Variants in TDRD15 observed in about 807,000 individuals in gnomAD.
TDRD15 encodes the protein tudor domain-containing protein 15.
For synonymous variants in TDRD15, 503 were observed against 314.5 expected, an observed-to-expected ratio of 1.60 and a Z score of -6.34; for missense variants, 1,416 against 904.7, an observed-to-expected ratio of 1.57 and a Z score of -7.25.
Position 21,139,914 on chromosome 2 carries a change from G to A in TDRD15, c.2447G>A (p.Cys816Tyr), listed in dbSNP as rs1170923766. The A allele has an allele frequency of 1.7e-5, 12 of 715,956 alleles. No individual in the cohort carries two copies. Among genetic ancestry groups the A allele is most frequent in the Middle Eastern group, 2.3e-4 (1 of 4,386 alleles). The allele number at this position is 715,956 out of a possible 1,614,324, so 44.4% of individuals were successfully genotyped here. ...GTTGCTAAGTATTCTGGGAAGTGGT[G>A]TAGAGCTGCTGTTTTGACTCAAGTA... Reference protein sequence around the residue: ...ACVAKYSGKWCRAAVLTQVSK... With the variant: ...ACVAKYSGKWYRAAVLTQVSK... Residue 816 changes from cysteine (C) to tyrosine (Y), a missense_variant, in exon 4 of 4, where the codon TGT becomes TAT. Coordinates refer to ENST00000405799, the MANE Select transcript of TDRD15 (RefSeq NM_001306137.2).
chr2:21,138,905 A>T lies in TDRD15; in HGVS notation c.1438A>T (p.Ile480Leu), dbSNP rs1432050328. ...GFPIKTVQME[I>L]EAAYIAFIAY... Reference sequence around the variant, plus strand: ...TCCCATTAAAACAGTACAAATGGAGATAGAGGCTGCCTACATAGCTTTTAT... The same window carrying T: ...TCCCATTAAAACAGTACAAATGGAGTTAGAGGCTGCCTACATAGCTTTTAT... The change falls in exon 4 of 4, where the codon ATA (isoleucine) becomes TTA (leucine). Residue 480 changes from isoleucine to leucine, a missense_variant. Physicochemically the swap from Ile to Leu is conservative, Grantham distance 5 (BLOSUM62 2). Transcript: ENST00000405799. The T allele has an allele frequency of 4.2e-6, 3 of 715,616 alleles. No individual in the cohort carries two copies. The African/African-American group carries it at 5.3e-5, about 13-fold the overall frequency. 44.3% of individuals were successfully genotyped at this position (715,616 alleles called of 1,614,324 possible). A position where few individuals can be genotyped will look rare whatever the true frequency, so the allele number is the denominator to read the frequency against.
intron 1 of TDRD15, among the ~76,000 whole-genome samples, chr2:21,126,538 G>A (rs548571593): frequency 6.6e-6 from 1 of 152,034 alleles, no homozygotes; most frequent in Non-Finnish European, 1.5e-5. Context: ...GGCTAATTTT[G>A]TATTTTTAGT....
chr2:21,132,847 GT>G (rs1665744644), intron 2 of TDRD15, among the ~76,000 whole-genome samples: 1 of 152,002 alleles, frequency 6.6e-6, no homozygotes, highest in African/African-American at 2.4e-5. Flanking sequence ...CTAAAGCAGA[GT>G]TTCTCAGATT....
At position 21,139,455 on chromosome 2, in the gene TDRD15, A is replaced by G; in HGVS notation, c.1988A>G (p.Glu663Gly). The change falls in exon 4 of 4, where the codon GAA (glutamate) becomes GGA (glycine). Residue 663 changes from glutamate (E) to glycine (G), a missense_variant. Transcript: ENST00000405799. ...CTTATGTTACAAGCTGGATATGCAG[A>G]ATATTTTCAAGTAGAACTAGAATAT... is the stretch of plus-strand genomic sequence containing the variant. ...ISLMLQAGYA[E>G]YFQVELEYFP... The G allele has an allele frequency of 1.4e-6, 1 of 708,194 alleles. No individual in the cohort carries two copies. Among genetic ancestry groups the G allele is most frequent in the South Asian group, 1.5e-5 (1 of 65,046 alleles). The allele number at this position is 708,194 out of a possible 1,614,324, so 43.9% of individuals were successfully genotyped here.
rs952552661 is a variant in TDRD15, at chr2:21,142,962, A to G, written c.5495A>G (p.Lys1832Arg). ...CGTTATTCAGAAATTATAAATCTTA[A>G]AGTTGTTCCTGAGGAACTTTTGAAT... ...YIRYSEIINL[K>R]VVPEELLNLP... Residue 1832 changes from lysine (K) to arginine (R), a missense_variant, in exon 4 of 4, where the codon AAA (lysine) becomes AGA (arginine). Transcript: ENST00000405799. The G allele has an allele frequency of 4.3e-6, 3 of 704,684 alleles. No homozygotes were observed. The African/African-American group carries it at 5.3e-5, about 13-fold the overall frequency. 43.7% of individuals were successfully genotyped at this position (704,684 alleles called of 1,614,324 possible).
intron 1 of TDRD15, among the ~76,000 whole-genome samples, chr2:21,124,772 A>G (rs1665549277): frequency 8.5e-6 from 1 of 117,052 alleles, no homozygotes; most frequent in African/African-American, 3.4e-5. Flanking sequence ...GGGTGATCCT[A>G]ATGCCAGGGT....
intron 2 of TDRD15, among the ~76,000 whole-genome samples, chr2:21,129,881 C>T (rs2103437022): frequency 6.6e-6 from 1 of 152,186 alleles, no homozygotes; most frequent in East Asian, 1.9e-4. Context: ...CTGAGAAGTC[C>T]AGGGTCAAGG....
At position 21,140,893 on chromosome 2, in the gene TDRD15, T is replaced by C. The variant is rs1433684141; in HGVS notation, c.3426T>C (p.Tyr1142=). Residue 1142 remains tyrosine (Y), a synonymous_variant, in exon 4 of 4, where the codon TAT becomes TAC. Transcript: ENST00000405799. ...AAATTAAAGTGTTGCTTCATGCTTATGGAAAAAGACATTGTGACCAAGCAT... is the reference window on the plus strand; with the variant it reads ...AAATTAAAGTGTTGCTTCATGCTTACGGAAAAAGACATTGTGACCAAGCAT... ...NEKIKVLLHA[Y]GKRHCDQACC... is the part of the protein sequence containing the mutation. 2 of 709,052 alleles carry C rather than the reference T, an allele frequency of 2.8e-6. No homozygotes were observed. The highest frequency in any genetic ancestry group is 2.7e-5 in the East Asian group (1 of 37,226). 43.9% of individuals were successfully genotyped at this position (709,052 alleles called of 1,614,324 possible). A position where few individuals can be genotyped will look rare whatever the true frequency, so the allele number is the denominator to read the frequency against.
At chr2:21,128,744 TG>T (rs1339430779) in intron 2 of TDRD15, among the ~76,000 whole-genome samples, 1 of 152,164 alleles carries the variant, frequency 6.6e-6, no homozygotes, top group Non-Finnish European at 1.5e-5. Context: ...ATATTTCAAA[TG>T]TTTTTCTAAA....
chr2:21,139,709 A>G lies in TDRD15; in HGVS notation c.2242A>G (p.Lys748Glu), dbSNP rs1222683189. Residue 748 changes from lysine to glutamate, a missense_variant, in exon 4 of 4, where the codon AAA becomes GAA. By Grantham distance (56) the Lys-to-Glu change is moderately conservative. Transcript: ENST00000405799. ...GGGACCTGAGTCATCCTGGCCTTAT[A>G]AAGAATATATTTTTAGACCAGGAAC... ...SVGPESSWPY[K>E]EYIFRPGTVL... is the part of the protein sequence containing the mutation. 2 of 715,034 alleles carry G rather than the reference A, an allele frequency of 2.8e-6. No individual in the cohort carries two copies. Among genetic ancestry groups the G allele is most frequent in the South Asian group, 1.5e-5 (1 of 67,332 alleles). 44.3% of individuals were successfully genotyped at this position (715,034 alleles called of 1,614,324 possible). A position where few individuals can be genotyped will look rare whatever the true frequency, so the allele number is the denominator to read the frequency against.
At chr2:21,135,321 T>A (rs1665788573) in intron 3 of TDRD15, among the ~76,000 whole-genome samples, 2 of 151,664 alleles carry the variant, frequency 1.3e-5, no homozygotes, top group South Asian at 4.1e-4. Context: ...GGAACTTTCT[T>A]CATGACCCTA....
rs570566327 is a variant in TDRD15 at position 21,131,496 on chromosome 2, A to C, written c.-89-3266A>C. Among the ~76,000 whole-genome samples, 7 of 152,336 alleles carry C rather than the reference A, an allele frequency of 4.6e-5. 1 individual carries two copies. The highest frequency in any genetic ancestry group is 1.7e-4 in the African/African-American group (7 of 41,586). On this transcript the variant is annotated intron_variant, in intron 2 of 3. Transcript: ENST00000405799. ...GTTGTGCATATCAAAGAACGTCTTC[A>C]GTTATATGAAAAAGCTTTTAACGTT...
chr2:21,127,383 G>A (rs1665618955), intron 1 of TDRD15, among the ~76,000 whole-genome samples: 1 of 151,988 alleles, frequency 6.6e-6, no homozygotes. Context: ...AGATGTCTTT[G>A]CCACGTCAAG....
downstream of TDRD15, among the ~76,000 whole-genome samples, chr2:21,145,174 A>G (rs1452695389): frequency 6.6e-6 from 1 of 152,000 alleles, no homozygotes; most frequent in Non-Finnish European, 1.5e-5. Context: ...CCTCCAAGCT[A>G]TTATCACCAC....
chr2:21,143,288 TA>T lies in TDRD15; in HGVS notation c.*17del, dbSNP rs1477718408. The T allele has an allele frequency of 1.8e-6, 1 of 541,984 alleles. No individual in the cohort carries two copies. Among genetic ancestry groups the T allele is most frequent in the Non-Finnish European group, 3.3e-6 (1 of 301,162 alleles). 33.6% of individuals were successfully genotyped at this position (541,984 alleles called of 1,614,324 possible). On this transcript the variant is annotated 3_prime_UTR_variant, in exon 4 of 4. Transcript: ENST00000405799. ...TCCAATATAAATTACAAAGTAAGCC[TA>T]TTTTCCCATTGTTAGATCAAAATTG...
In TDRD15 at chr2:21,143,815, G is replaced by A. The variant is rs978046362; in HGVS notation, c.*543G>A. On this transcript the variant is annotated 3_prime_UTR_variant, in exon 4 of 4. Transcript: ENST00000405799. ...AACTTACTAGAAAATCTGGATAAAC[G>A]GATGAACTGGAAGTGGCCACTACGA... 2.6e-5 allele frequency among the ~76,000 whole-genome samples: 4 copies of A among 151,620 alleles called. No individual in the cohort carries two copies. The highest frequency in any genetic ancestry group is 2.0e-4 in the Admixed American group (3 of 15,176).
At chr2:21,129,245 C>T (rs1197902548) in intron 2 of TDRD15, among the ~76,000 whole-genome samples, 1 of 152,090 alleles carries the variant, frequency 6.6e-6, no homozygotes, top group African/African-American at 2.4e-5. Context: ...TTTCTTTGGT[C>T]TATATCTAGT....
chr2:21,144,645 T>A (rs1017065429), downstream of TDRD15, among the ~76,000 whole-genome samples: 2 of 151,914 alleles, frequency 1.3e-5, no homozygotes, highest in African/African-American at 4.8e-5. Flanking sequence ...ATATGTATTA[T>A]CTCATTTAAT....
rs1373210359 is a variant in TDRD15 at position 21,139,315 on chromosome 2, T to TA, written c.1854dup (p.Leu619IlefsTer17). On this transcript the variant is annotated frameshift_variant, in exon 4 of 4. Coordinates refer to ENST00000405799, the MANE Select transcript of TDRD15 (RefSeq NM_001306137.2). LOFTEE classifies it low-confidence loss of function (END_TRUNC). The stretch of plus-strand genomic sequence containing the variant: ...GGACTAAGGCTGCAATTGATTATTT[T>TA]AAAAAATTAGTTTTGAACAAAGCAA... 3 of 706,442 alleles carry TA rather than the reference T, an allele frequency of 4.2e-6. No individual in the cohort carries two copies. The highest frequency in any genetic ancestry group is 7.9e-6 in the Non-Finnish European group (3 of 381,848). 43.8% of individuals were successfully genotyped at this position (706,442 alleles called of 1,614,324 possible).
Sources: allele counts gnomAD v4.1 joint callset (sites outside exome capture counted in the v4.1 genomes callset), GRCh38; gene constraint gnomAD v4.1.1; transcripts MANE v1.5; gene names NCBI Gene and HGNC (gene_info 2026-07-23, HGNC 2026-07-21).